The following CRPPA variants were observed in gnomAD, a reference collection of about 807,000 sequenced individuals.
The protein encoded by CRPPA is D-ribitol-5-phosphate cytidylyltransferase.
A neutral mutation model predicts 52.0 loss-of-function variants in CRPPA; 43 were observed. The ratio of observed to expected loss-of-function variants is 0.83; its 90% confidence interval spans 0.65 to 1.07. The LOEUF (loss-of-function observed/expected upper bound fraction) is 1.07, where lower values mean the gene tolerates loss of function less well. Among genes scored for constraint, CRPPA ranks in the 50% least tolerant of loss-of-function variants. The pLI is 0.00. For missense variants in CRPPA, 629 were observed against 551.7 expected (o/e 1.14, Z -1.40); for synonymous variants, 250 against 203.5 (o/e 1.23, Z -1.94).
intron 6 of CRPPA, among the ~76,000 whole-genome samples, chr7:16,266,819 A>C (rs2128414916): frequency 6.6e-6 from 1 of 152,226 alleles, no homozygotes; most frequent in East Asian, 1.9e-4. Context: ...TATCAACACA[A>C]ATTGTAAAGC....
At chr7:16,318,811 G>A (rs1785199518) in intron 3 of CRPPA, among the ~76,000 whole-genome samples, 1 of 152,154 alleles carries the variant, frequency 6.6e-6, no homozygotes, top group Non-Finnish European at 1.5e-5. Context: ...AGCAAATCAA[G>A]GAGAAGGGAA....
At chr7:16,263,995 T>A (rs1055216674) in intron 6 of CRPPA, among the ~76,000 whole-genome samples, 22 of 152,170 alleles carry the variant, frequency 1.4e-4, no homozygotes, top group Non-Finnish European at 3.2e-4. Flanking sequence ...CTGCAATTTT[T>A]TTTCTTCTTG....
Position 16,090,388 on chromosome 7 carries a change from G to A in CRPPA, c.*1307C>T, listed in dbSNP as rs887563021. ...TTTATAGTTTCCACGTGCAGCCTAA[G>A]CCCTAATCTGTTTCAATAAAATAAA... On this transcript the variant is annotated 3_prime_UTR_variant, in exon 10 of 10. Coordinates refer to ENST00000407010, the MANE Select transcript of CRPPA (RefSeq NM_001101426.4). 1.3e-5 allele frequency: 2 copies of A among 151,800 alleles called. No homozygotes were observed. The highest frequency in any genetic ancestry group is 2.9e-5 in the Non-Finnish European group (2 of 67,968). 9.4% of individuals were successfully genotyped at this position (151,800 alleles called of 1,614,324 possible).
intron 8 of CRPPA, among the ~76,000 whole-genome samples, chr7:16,229,848 G>T (rs1043307754): frequency 1.3e-4 from 20 of 151,928 alleles, no homozygotes; most frequent in Admixed American, 2.0e-4. Flanking sequence ...CTCAGCTTTT[G>T]TTTGTCCAGG....
At chr7:16,403,327 C>T in intron 2 of CRPPA, among the ~76,000 whole-genome samples, 1 of 152,192 alleles carries the variant, frequency 6.6e-6, no homozygotes, top group East Asian at 1.9e-4. Context: ...TTGAGCTCTA[C>T]AACCTTAATG....
intron 8 of CRPPA, among the ~76,000 whole-genome samples, chr7:16,249,890 T>A (rs1333027391): frequency 2.0e-5 from 3 of 152,104 alleles, no homozygotes; most frequent in Admixed American, 6.5e-5. Context: ...TTTGACAAAC[T>A]GACAGAAGTA....
chr7:16,161,554 A>C (rs10279001), intron 9 of CRPPA, among the ~76,000 whole-genome samples: 5,065 of 152,240 alleles, frequency 0.033, 280 homozygotes, highest in African/African-American at 0.12. Flanking sequence ...ATGGTGGATA[A>C]GTTTTTTAAT....
chr7:16,352,077 G>T (rs1214592183), intron 3 of CRPPA, among the ~76,000 whole-genome samples: 1 of 152,126 alleles, frequency 6.6e-6, no homozygotes. Context: ...GGAATACTAT[G>T]AAGCCATAAA....
At chr7:16,177,279 G>C (rs1197092514) in intron 9 of CRPPA, among the ~76,000 whole-genome samples, 3 of 151,994 alleles carry the variant, frequency 2.0e-5, no homozygotes, top group African/African-American at 7.2e-5. Flanking sequence ...ATTCTAGATA[G>C]GTAGATTATT....
At chr7:16,101,299 G>T (rs1478749064) in intron 9 of CRPPA, among the ~76,000 whole-genome samples, 1 of 151,992 alleles carries the variant, frequency 6.6e-6, no homozygotes, top group Non-Finnish European at 1.5e-5. Context: ...TTTTTTGGTT[G>T]GTAGGCTACC....
rs1781757614 is a variant in CRPPA, at chr7:16,088,996, A to G, written c.*2699T>C. On this transcript the variant is annotated 3_prime_UTR_variant, in exon 10 of 10. Coordinates refer to ENST00000407010, the MANE Select transcript of CRPPA (RefSeq NM_001101426.4). ...ATTGTTAGACAGGAATATAAGCTTA[A>G]CACTTATTATCAGTCTTCCTTATTT... 1 of 221,030 alleles carries G rather than the reference A, an allele frequency of 4.5e-6. No individual in the cohort carries two copies. Among genetic ancestry groups the G allele is most frequent in the Non-Finnish European group, 9.9e-6 (1 of 100,836 alleles). 13.7% of individuals were successfully genotyped at this position (221,030 alleles called of 1,614,324 possible). A position where few individuals can be genotyped will look rare whatever the true frequency, so the allele number is the denominator to read the frequency against.
intron 9 of CRPPA, among the ~76,000 whole-genome samples, chr7:16,156,693 A>G (rs2128380604): frequency 6.6e-6 from 1 of 152,240 alleles, no homozygotes; most frequent in East Asian, 1.9e-4. Context: ...ATCAAAATAC[A>G]GAGGTTTCAT....
At chr7:16,224,347 G>A (rs1562568594) in intron 8 of CRPPA, among the ~76,000 whole-genome samples, 1 of 152,118 alleles carries the variant, frequency 6.6e-6, no homozygotes. Context: ...TATCCTGCAC[G>A]ATGGTCTTTA....
chr7:16,237,453 C>T (rs1404178614), intron 8 of CRPPA: 2 of 152,106 alleles, frequency 1.3e-5, no homozygotes, highest in African/African-American at 2.4e-5. Context: ...TGGCATTAAT[C>T]TCATTGATGA....
intron 9 of CRPPA, among the ~76,000 whole-genome samples, chr7:16,092,458 A>G (rs1781856297): frequency 1.3e-5 from 2 of 152,196 alleles, no homozygotes; most frequent in Non-Finnish European, 2.9e-5. Context: ...TCTAAACTCC[A>G]GAATCATCCT....
chr7:16,298,048 T>A (rs1784710624), intron 5 of CRPPA, among the ~76,000 whole-genome samples: 1 of 151,668 alleles, frequency 6.6e-6, no homozygotes, highest in Non-Finnish European at 1.5e-5. Context: ...TATTTTGGAA[T>A]TTTTTTTTAA....
At chr7:16,310,065 A>C (rs1471407820) in intron 3 of CRPPA, among the ~76,000 whole-genome samples, 1 of 152,174 alleles carries the variant, frequency 6.6e-6, no homozygotes, top group Non-Finnish European at 1.5e-5. Flanking sequence ...GAACAAATAC[A>C]AAGCAAGTAG....
chr7:16,143,014 A>G (rs1046963582), intron 9 of CRPPA, among the ~76,000 whole-genome samples: 1 of 152,234 alleles, frequency 6.6e-6, no homozygotes, highest in Non-Finnish European at 1.5e-5. Flanking sequence ...CAAAGCTCAC[A>G]GTTGACAATG....
Position 16,372,416 on chromosome 7 carries a change from G to T in CRPPA, c.684+3676C>A, listed in dbSNP as rs552976122. Among the ~76,000 whole-genome samples the T allele has an allele frequency of 2.6e-5, 4 of 152,266 alleles. No homozygotes were observed. In the East Asian group the frequency reaches 7.7e-4, roughly 29 times the overall value. On this transcript the variant is annotated intron_variant, in intron 3 of 9. Coordinates refer to ENST00000407010, the MANE Select transcript of CRPPA (RefSeq NM_001101426.4). ...CTTTAGCCTCCTGAAACAAATAATT[G>T]TCAGCCAAGAATTTTCTATTCAGCC...
Sources: gnomAD v4.1 joint callset for allele counts (sites outside exome capture counted in the v4.1 genomes callset) on GRCh38, gnomAD v4.1.1 for gene constraint, MANE v1.5 for transcripts, NCBI Gene and HGNC (gene_info 2026-07-23, HGNC 2026-07-21) for gene names.